CIRSR: variants seen among roughly 807,000 people sequenced by gnomAD.
CIRSR encodes the protein corepressor of RBPJ and splicing regulator.
At chr2:174,386,887 T>C in the CIRSR span, among the ~76,000 whole-genome samples, 1 of 152,332 alleles carries the variant, frequency 6.6e-6, no homozygotes, top group Non-Finnish European at 1.5e-5. Flanking sequence ...TTCAACTATA[T>C]GTATTTGTAT....
chr2:174,371,165 G>A, the CIRSR span, among the ~76,000 whole-genome samples: 1 of 152,092 alleles, frequency 6.6e-6, no homozygotes, highest in Non-Finnish European at 1.5e-5. Context: ...TATCTTTCTT[G>A]GGTAACAAAA....
the CIRSR span, chr2:174,358,200 T>C: frequency 6.6e-6 from 1 of 152,230 alleles, no homozygotes; most frequent in Non-Finnish European, 1.5e-5. Flanking sequence ...TCACTGTTTA[T>C]TAGAAACTTT....
chr2:174,348,375 CT>C, the CIRSR span: 1 of 1,443,270 alleles, frequency 6.9e-7, no homozygotes, highest in South Asian at 1.6e-5. Context: ...TAAAATTGAG[CT>C]TTTTTATTAG....
At chr2:174,353,761 C>T in the CIRSR span, among the ~76,000 whole-genome samples, 21 of 152,100 alleles carry the variant, frequency 1.4e-4, 1 homozygote, top group African/African-American at 2.7e-4. Context: ...CCACCGCGCC[C>T]GGCTCAATTA....
At chr2:174,386,181 T>C in the CIRSR span, among the ~76,000 whole-genome samples, 1 of 150,814 alleles carries the variant, frequency 6.6e-6, no homozygotes, top group South Asian at 2.1e-4. Flanking sequence ...ATAAGGTTTT[T>C]GTTGTTGTTG....
chr2:174,370,638 G>C, the CIRSR span, among the ~76,000 whole-genome samples: 5 of 152,194 alleles, frequency 3.3e-5, no homozygotes, highest in Non-Finnish European at 7.3e-5. Context: ...CTACGGGCTG[G>C]GCACCATGGC....
the CIRSR span, among the ~76,000 whole-genome samples, chr2:174,382,558 G>C: frequency 2.0e-5 from 3 of 152,144 alleles, no homozygotes; most frequent in African/African-American, 7.2e-5. Flanking sequence ...AGAATCACTT[G>C]AATGTGGGAG....
the CIRSR span, chr2:174,350,580 C>T: frequency 2.3e-4 from 196 of 845,822 alleles, 1 homozygote; most frequent in Non-Finnish European, 3.3e-4. Context: ...TTCATGAGCT[C>T]TTAGGATCAG....
chr2:174,395,529 C>G, the CIRSR span: 4 of 1,612,386 alleles, frequency 2.5e-6, no homozygotes, highest in Non-Finnish European at 3.4e-6. Flanking sequence ...GGCCTAATCC[C>G]TCCCCGGGTC....
chr2:174,387,185 A>G, the CIRSR span: 1 of 152,312 alleles, frequency 6.6e-6, no homozygotes, highest in East Asian at 1.9e-4. Flanking sequence ...AAGATTAACC[A>G]AGAGAAACCA....
the CIRSR span, chr2:174,395,651 G>T: frequency 3.7e-6 from 6 of 1,614,054 alleles, no homozygotes; most frequent in South Asian, 2.2e-5. Context: ...GAAAGCAGGG[G>T]CTAGATCTGT....
At chr2:174,387,909 G>T in the CIRSR span, 1 of 712,912 alleles carries the variant, frequency 1.4e-6, no homozygotes, top group Non-Finnish European at 2.2e-6. Flanking sequence ...GGCTTCCCTG[G>T]GCCACAGAAA....
chr2:174,350,668 T>C, the CIRSR span: 1 of 1,598,200 alleles, frequency 6.3e-7, no homozygotes, highest in East Asian at 2.2e-5. Flanking sequence ...ACCTGAGAAG[T>C]TTCTGTTTTT....
chr2:174,381,546 G>A, the CIRSR span, among the ~76,000 whole-genome samples: 3 of 151,866 alleles, frequency 2.0e-5, no homozygotes, highest in African/African-American at 4.8e-5. Context: ...CCAACTACTC[G>A]GGAGGCTGAG....
chr2:174,364,173 G>A, the CIRSR span, among the ~76,000 whole-genome samples: 5 of 152,284 alleles, frequency 3.3e-5, no homozygotes, highest in South Asian at 1.0e-3. Context: ...AGGGGCTACA[G>A]GCTCCATGCA....
the CIRSR span, among the ~76,000 whole-genome samples, chr2:174,392,633 T>C: frequency 6.6e-6 from 1 of 152,122 alleles, no homozygotes; most frequent in African/African-American, 2.4e-5. Context: ...GTAAGACCAA[T>C]AGCATTCAGT....
chr2:174,383,911 A>C, the CIRSR span, among the ~76,000 whole-genome samples: 1 of 151,852 alleles, frequency 6.6e-6, no homozygotes, highest in Admixed American at 6.6e-5. Flanking sequence ...ACTGAAACCC[A>C]AGTCCATTAC....
At chr2:174,376,802 A>T in the CIRSR span, among the ~76,000 whole-genome samples, 1 of 67,702 alleles carries the variant, frequency 1.5e-5, no homozygotes, top group Non-Finnish European at 3.8e-5. Context: ...TGTCTCAGGG[A>T]AAAAAAAAAA....
At chr2:174,366,380 A>G in the CIRSR span, among the ~76,000 whole-genome samples, 3 of 152,186 alleles carry the variant, frequency 2.0e-5, no homozygotes, top group Non-Finnish European at 4.4e-5. Flanking sequence ...ATACCAAAAA[A>G]TCTATACCTA....
Sources: gnomAD v4.1 joint callset for allele counts (sites outside exome capture counted in the v4.1 genomes callset) on GRCh38, gnomAD v4.1.1 for gene constraint, MANE v1.5 for transcripts, NCBI Gene and HGNC (gene_info 2026-07-23, HGNC 2026-07-21) for gene names.